The following RABGAP1L variants were observed in gnomAD, a reference collection of about 807,000 sequenced individuals.
RABGAP1L encodes rab GTPase-activating protein 1-like.
Under a neutral mutation model 137.7 loss-of-function variants are expected in RABGAP1L, and 63 were observed. That is an observed-to-expected ratio of 0.46 (90% CI 0.37 to 0.56). RABGAP1L has a LOEUF of 0.56. Ranked by LOEUF, RABGAP1L falls within the 20% of genes least tolerant of loss-of-function variation. RABGAP1L has a pLI of 0.00. For missense variants in RABGAP1L, 1,095 were observed against 1,244.0 expected (o/e 0.88, Z 1.80); for synonymous variants, 431 against 433.7 (o/e 0.99, Z 0.08).
intron 13 of RABGAP1L, among the ~76,000 whole-genome samples, chr1:174,597,820 TG>T (rs1307684968): frequency 6.6e-6 from 1 of 152,226 alleles, no homozygotes. Context: ...TTGCTTTCAC[TG>T]TATTCCAGAG....
At chr1:174,227,014 A>C (rs961830703) in intron 3 of RABGAP1L, among the ~76,000 whole-genome samples, 8 of 152,128 alleles carry the variant, frequency 5.3e-5, no homozygotes, top group Non-Finnish European at 1.2e-4. Context: ...ATTGTGACAC[A>C]TGAAGCTTAT....
intron 13 of RABGAP1L, among the ~76,000 whole-genome samples, chr1:174,597,403 T>C (rs1268168043): frequency 6.6e-6 from 1 of 152,160 alleles, no homozygotes; most frequent in Non-Finnish European, 1.5e-5. Context: ...TTGTTAAGGG[T>C]CTATTCGAGT....
intron 11 of RABGAP1L, among the ~76,000 whole-genome samples, chr1:174,311,627 A>G (rs538770892): frequency 6.6e-6 from 1 of 152,050 alleles, no homozygotes; most frequent in South Asian, 2.1e-4. Flanking sequence ...TTTTTTTGAG[A>G]TGGAGTTTCA....
At chr1:174,933,118 TTATA>T (rs2149265235) in intron 19 of RABGAP1L, among the ~76,000 whole-genome samples, 1 of 151,604 alleles carries the variant, frequency 6.6e-6, no homozygotes, top group South Asian at 2.1e-4. Context: ...ATACATACAT[TTATA>T]CATACATACA....
intron 13 of RABGAP1L, among the ~76,000 whole-genome samples, chr1:174,528,130 A>C (rs1207218870): frequency 6.6e-6 from 1 of 151,912 alleles, no homozygotes; most frequent in African/African-American, 2.4e-5. Context: ...TGAAGAGTTT[A>C]ATTCATTTAT....
At chr1:174,727,139 GTTT>G (rs893859603) in intron 17 of RABGAP1L, among the ~76,000 whole-genome samples, 1 of 152,066 alleles carries the variant, frequency 6.6e-6, no homozygotes, top group African/African-American at 2.4e-5. Context: ...ATTTCTTAAG[GTTT>G]TTCTGAGGAT....
At chr1:174,635,241 T>C (rs1206475713) in intron 13 of RABGAP1L, among the ~76,000 whole-genome samples, 1 of 152,142 alleles carries the variant, frequency 6.6e-6, no homozygotes, top group Non-Finnish European at 1.5e-5. Flanking sequence ...TTCTCTCTCT[T>C]AATGTCCTGA....
chr1:174,803,478 C>G (rs957449612), intron 18 of RABGAP1L, among the ~76,000 whole-genome samples: 1 of 152,132 alleles, frequency 6.6e-6, no homozygotes, highest in Non-Finnish European at 1.5e-5. Flanking sequence ...TTTCTAAAGC[C>G]TGTGCTTTCA....
At position 174,874,603 on chromosome 1, in the gene RABGAP1L, T is replaced by C. The variant is rs1009556091; in HGVS notation, c.2340+62643T>C. On this transcript the variant is annotated intron_variant, in intron 19 of 25. Transcript: ENST00000681986. ...CTTTTTTTTTTTTTTTTTTTTTTTT[T>C]CCAATGCAGTTGCGTGGTGTGAAGG... The C allele has an allele frequency of 1.5e-3, 566 of 372,484 alleles. 2 individuals carry two copies. The African/African-American group carries it at 0.016, about 10-fold the overall frequency. 23.1% of individuals were successfully genotyped at this position (372,484 alleles called of 1,614,324 possible).
intron 11 of RABGAP1L, among the ~76,000 whole-genome samples, chr1:174,315,015 A>T (rs757039575): frequency 2.0e-4 from 31 of 152,202 alleles, no homozygotes; most frequent in Non-Finnish European, 4.1e-4. Flanking sequence ...CATTAGGTCT[A>T]TGATGCAGAT....
At chr1:174,451,418 A>G (rs185511166) in intron 13 of RABGAP1L, among the ~76,000 whole-genome samples, 2 of 152,346 alleles carry the variant, frequency 1.3e-5, no homozygotes, top group Admixed American at 1.3e-4. Flanking sequence ...ATTAATAACA[A>G]TTATATGCCA....
intron 11 of RABGAP1L, among the ~76,000 whole-genome samples, chr1:174,307,161 C>G (rs1297272743): frequency 2.0e-5 from 3 of 152,162 alleles, no homozygotes; most frequent in African/African-American, 4.8e-5. Context: ...GCTAAGCTCA[C>G]TCAGCTTAAA....
chr1:174,834,064 G>T (rs1350156659), intron 19 of RABGAP1L, among the ~76,000 whole-genome samples: 1 of 152,128 alleles, frequency 6.6e-6, no homozygotes, highest in Non-Finnish European at 1.5e-5. Flanking sequence ...TTTAATGTGT[G>T]GCTTAGTAGG....
At chr1:174,598,368 T>C (rs1469918140) in intron 13 of RABGAP1L, among the ~76,000 whole-genome samples, 2 of 151,136 alleles carry the variant, frequency 1.3e-5, no homozygotes, top group Non-Finnish European at 2.9e-5. Context: ...TTGAGATCTA[T>C]GCACTGAGGA....
At chr1:174,878,333 T>A (rs1444699734) in intron 19 of RABGAP1L, among the ~76,000 whole-genome samples, 1 of 152,148 alleles carries the variant, frequency 6.6e-6, no homozygotes, top group Admixed American at 6.5e-5. Context: ...TTCAAGCAAC[T>A]CTCCTGTCTC....
chr1:174,886,357 C>T (rs953947780), intron 19 of RABGAP1L, among the ~76,000 whole-genome samples: 9 of 152,276 alleles, frequency 5.9e-5, no homozygotes, highest in Middle Eastern at 3.4e-3. Flanking sequence ...GCAAGCTGAA[C>T]GTGTAATCAA....
intron 14 of RABGAP1L, among the ~76,000 whole-genome samples, chr1:174,658,940 T>C (rs1676171304): frequency 6.6e-6 from 1 of 152,192 alleles, no homozygotes; most frequent in Non-Finnish European, 1.5e-5. Context: ...ATTTTTGTTT[T>C]AGGCACCTGT....
intron 11 of RABGAP1L, among the ~76,000 whole-genome samples, chr1:174,319,441 A>T (rs1383609833): frequency 1.3e-5 from 2 of 152,138 alleles, no homozygotes; most frequent in African/African-American, 4.8e-5. Flanking sequence ...TGTTTGTTTT[A>T]TCAAATCTTT....
intron 1 of RABGAP1L, among the ~76,000 whole-genome samples, chr1:174,178,505 T>C (rs1251965111): frequency 8.5e-5 from 13 of 152,162 alleles, no homozygotes; most frequent in Non-Finnish European, 1.0e-4. Flanking sequence ...GGATTATAAA[T>C]CATTCTGCCA....
Sources: gnomAD v4.1 joint callset for allele counts (sites outside exome capture counted in the v4.1 genomes callset) on GRCh38, gnomAD v4.1.1 for gene constraint, MANE v1.5 for transcripts, NCBI Gene and HGNC (gene_info 2026-07-23, HGNC 2026-07-21) for gene names.